The following PLXNA2 variants were observed in gnomAD, a reference collection of about 807,000 sequenced individuals.
PLXNA2 encodes the protein plexin A2, also known as plexin-A2.
A neutral mutation model predicts 193.5 loss-of-function variants in PLXNA2; 91 were observed. The ratio of observed to expected loss-of-function variants is 0.47; its 90% CI spans 0.40 to 0.56. The LOEUF is 0.56. Ranked by LOEUF, PLXNA2 falls within the 20% of genes least tolerant of loss-of-function variation. The pLI is 0.00. For synonymous variants in PLXNA2, 997 were observed against 1,027.3 expected, an observed-to-expected ratio of 0.97 and a Z score of 0.56; for missense variants, 1,995 against 2,503.2, an observed-to-expected ratio of 0.80 and a Z score of 4.33.
intron 12 of PLXNA2, among the ~76,000 whole-genome samples, chr1:208,073,252 C>T (rs1426623101): frequency 6.6e-6 from 1 of 152,160 alleles, no homozygotes; most frequent in Non-Finnish European, 1.5e-5. Flanking sequence ...GGTTAGTGTC[C>T]TCATTAACAG....
At chr1:208,029,082 G>T (rs773182116) in intron 29 of PLXNA2, 40 bp from the exon 30 acceptor site, 2 of 1,609,510 alleles carry the variant, frequency 1.2e-6, no homozygotes, top group South Asian at 2.2e-5. Flanking sequence ...ATGCATGCGG[G>T]CCGTGCCCCT....
At chr1:208,053,109 TCA>T (rs1665317554) in intron 14 of PLXNA2, among the ~76,000 whole-genome samples, 1 of 152,208 alleles carries the variant, frequency 6.6e-6, no homozygotes, top group South Asian at 2.1e-4. Flanking sequence ...CTAAAATGCA[TCA>T]GGTGGCTGAC....
intron 9 of PLXNA2, among the ~76,000 whole-genome samples, chr1:208,090,297 C>T (rs1015397099): frequency 5.3e-5 from 8 of 152,170 alleles, no homozygotes; most frequent in African/African-American, 1.9e-4. Flanking sequence ...GGGGACTGCT[C>T]TTCTCTAACC....
Position 208,220,035 on chromosome 1 carries a change from G to A in PLXNA2, c.-80-2033C>T, listed in dbSNP as rs1219193863. On this transcript the variant is annotated intron_variant, in intron 1 of 31. Transcript: ENST00000367033. ...CCAGCTGGATGGGGAATTGCAAGAGGCCATTCTCTGCCCCTGTCGCTGGGA... is the reference window on the plus strand; with the variant it reads ...CCAGCTGGATGGGGAATTGCAAGAGACCATTCTCTGCCCCTGTCGCTGGGA... Among the ~76,000 whole-genome samples, 2 of 152,216 alleles carry A rather than the reference G, an allele frequency of 1.3e-5. 1 individual carries two copies. The highest frequency in any genetic ancestry group is 4.8e-5 in the African/African-American group (2 of 41,454).
At chr1:208,191,859 C>T (rs567136660) in intron 3 of PLXNA2, among the ~76,000 whole-genome samples, 5 of 152,034 alleles carry the variant, frequency 3.3e-5, no homozygotes, top group African/African-American at 9.7e-5. Context: ...TAGCTGGGCA[C>T]GGGGCAGGGC....
intron 3 of PLXNA2, among the ~76,000 whole-genome samples, chr1:208,196,877 A>C (rs1229927627): frequency 6.6e-6 from 1 of 152,214 alleles, no homozygotes; most frequent in East Asian, 1.9e-4. Flanking sequence ...AAAGAAAGCT[A>C]TCTCTTTTGT....
chr1:208,124,201 A>T (rs1320212558), intron 4 of PLXNA2, among the ~76,000 whole-genome samples: 1 of 152,170 alleles, frequency 6.6e-6, no homozygotes, highest in African/African-American at 2.4e-5. Context: ...GGAACAACAG[A>T]CACTGGGGCC....
intron 12 of PLXNA2, among the ~76,000 whole-genome samples, chr1:208,076,014 C>T (rs6659931): frequency 0.77 from 115,146 of 149,386 alleles, 44,881 homozygotes; most frequent in Non-Finnish European, 0.83. Flanking sequence ...GCCAAGATTG[C>T]GCCACTGCAG....
chr1:208,144,919 G>A (rs1668560955), intron 3 of PLXNA2, among the ~76,000 whole-genome samples: 1 of 152,080 alleles, frequency 6.6e-6, no homozygotes, highest in Admixed American at 6.5e-5. Context: ...CCACCAGCCT[G>A]TAACCTGGAG....
Position 208,034,611 on chromosome 1 carries a change from G to C in PLXNA2, c.4765-19C>G. 6.6e-7 allele frequency: 1 copy of C among 1,511,312 alleles called. No homozygotes were observed. Among genetic ancestry groups the C allele is most frequent in the Non-Finnish European group, 9.2e-7 (1 of 1,086,186 alleles). 93.6% of individuals were successfully genotyped at this position (1,511,312 alleles called of 1,614,324 possible). Reference sequence around the variant, plus strand: ...CTGACACCTGAGAAGGGTACAAAAGGTACAGTACAAAAGGTGAATGTAGGT... The same window carrying C: ...CTGACACCTGAGAAGGGTACAAAAGCTACAGTACAAAAGGTGAATGTAGGT... On this transcript the variant is annotated intron_variant, in intron 26 of 31. Coordinates refer to ENST00000367033, the MANE Select transcript of PLXNA2 (RefSeq NM_025179.4).
At chr1:208,149,256 T>C (rs1045542246) in intron 3 of PLXNA2, among the ~76,000 whole-genome samples, 1 of 151,632 alleles carries the variant, frequency 6.6e-6, no homozygotes, top group African/African-American at 2.4e-5. Flanking sequence ...ATGAGTCTGT[T>C]GTATGTATAT....
intron 12 of PLXNA2, among the ~76,000 whole-genome samples, chr1:208,068,614 C>T (rs1232136913): frequency 6.6e-6 from 1 of 152,196 alleles, no homozygotes; most frequent in African/African-American, 2.4e-5. Context: ...GCACTCGGGT[C>T]GTGCCTTCAG....
intron 1 of PLXNA2, among the ~76,000 whole-genome samples, chr1:208,232,424 C>T (rs940354706): frequency 2.6e-5 from 4 of 152,220 alleles, no homozygotes; most frequent in Non-Finnish European, 5.9e-5. Flanking sequence ...CTTCAATTCC[C>T]GACAGTGGCA....
intron 1 of PLXNA2, among the ~76,000 whole-genome samples, chr1:208,234,545 TC>T (rs1671793134): frequency 6.6e-6 from 1 of 152,018 alleles, no homozygotes; most frequent in Non-Finnish European, 1.5e-5. Flanking sequence ...CTAATGCTTC[TC>T]CCCAGACATC....
intron 26 of PLXNA2, among the ~76,000 whole-genome samples, chr1:208,036,081 T>C (rs796894827): frequency 3.9e-5 from 6 of 152,254 alleles, no homozygotes; most frequent in African/African-American, 1.4e-4. Context: ...GTGCCAAGGC[T>C]CCATTACTTC....
At chr1:208,219,266 C>T (rs1671243078) in intron 1 of PLXNA2, among the ~76,000 whole-genome samples, 1 of 152,144 alleles carries the variant, frequency 6.6e-6, no homozygotes, top group African/African-American at 2.4e-5. Flanking sequence ...GCAGTCTGGG[C>T]CAGGGGCAGG....
At chr1:208,190,789 A>G (rs1670154633) in intron 3 of PLXNA2, among the ~76,000 whole-genome samples, 1 of 152,248 alleles carries the variant, frequency 6.6e-6, no homozygotes, top group East Asian at 1.9e-4. Context: ...GTTTGACAGC[A>G]CATAGCAGGC....
At chr1:208,077,306 C>T (rs2102378130) in intron 12 of PLXNA2, among the ~76,000 whole-genome samples, 1 of 152,322 alleles carries the variant, frequency 6.6e-6, no homozygotes, top group Non-Finnish European at 1.5e-5. Flanking sequence ...AAATCAATTA[C>T]AGCATAATTA....
intron 3 of PLXNA2, among the ~76,000 whole-genome samples, chr1:208,168,504 TATA>T (rs1669380443): frequency 6.6e-6 from 1 of 152,136 alleles, no homozygotes; most frequent in Non-Finnish European, 1.5e-5. Context: ...ATTCAATTTG[TATA>T]ATAATGCCAT....
Sources: allele counts gnomAD v4.1 joint callset (sites outside exome capture counted in the v4.1 genomes callset), GRCh38; gene constraint gnomAD v4.1.1; transcripts MANE v1.5; gene names NCBI Gene and HGNC (gene_info 2026-07-23, HGNC 2026-07-21).